The following LRRC7 variants were observed in gnomAD, a reference collection of about 807,000 sequenced individuals.
The protein encoded by LRRC7 is leucine-rich repeat-containing protein 7.
A neutral mutation model predicts 175.7 loss-of-function variants in LRRC7; 23 were observed. The observed-to-expected ratio is 0.13, with a 90% CI of 0.09 to 0.19. The LOEUF is 0.19. Ranked by LOEUF, LRRC7 falls within the 10% of genes least tolerant of loss-of-function variation. The probability of loss-of-function intolerance (pLI) is 1.00; values close to 1 mark genes in which losing one functional copy is unlikely to be tolerated. For synonymous variants in LRRC7, 685 were observed against 680.9 expected (o/e 1.01, Z -0.09); for missense variants, 1,354 against 1,904.7 (o/e 0.71, Z 5.38).
chr1:69,934,204 G>A (rs1647708862), intron 8 of LRRC7, among the ~76,000 whole-genome samples: 1 of 152,096 alleles, frequency 6.6e-6, no homozygotes, highest in African/African-American at 2.4e-5. Context: ...TGACACCGTA[G>A]GAGATTATCA....
At chr1:70,001,723 A>G (rs1655538894) in intron 11 of LRRC7, among the ~76,000 whole-genome samples, 1 of 152,164 alleles carries the variant, frequency 6.6e-6, no homozygotes, top group Admixed American at 6.6e-5. Context: ...ATGACTTGTA[A>G]AATTAGTTAT....
intron 7 of LRRC7, among the ~76,000 whole-genome samples, chr1:69,905,942 T>C (rs369063670): frequency 1.2e-3 from 190 of 152,350 alleles, no homozygotes; most frequent in African/African-American, 4.4e-3. Flanking sequence ...TTTTTAATGA[T>C]CACCATCCTA....
chr1:69,897,511 C>T (rs1179844625), intron 7 of LRRC7, among the ~76,000 whole-genome samples: 2 of 152,090 alleles, frequency 1.3e-5, no homozygotes, highest in East Asian at 1.9e-4. Flanking sequence ...TCCATGAGGG[C>T]AGAGACTTTA....
At chr1:69,989,477 C>T (rs972062847) in intron 10 of LRRC7, among the ~76,000 whole-genome samples, 1 of 151,806 alleles carries the variant, frequency 6.6e-6, no homozygotes, top group East Asian at 1.9e-4. Context: ...TAAAATACAA[C>T]AGCTATAATG....
At chr1:70,035,096 T>C (rs1659166551) in intron 18 of LRRC7, among the ~76,000 whole-genome samples, 1 of 152,208 alleles carries the variant, frequency 6.6e-6, no homozygotes. Context: ...TATTTCTAAA[T>C]ATTTTACATT....
chr1:69,720,430 A>G (rs977430351), intron 2 of LRRC7, among the ~76,000 whole-genome samples: 4 of 151,574 alleles, frequency 2.6e-5, no homozygotes, highest in African/African-American at 2.4e-5. Context: ...GACATTTTTC[A>G]CAGTTTAAGG....
Position 69,614,027 on chromosome 1 carries a change from G to A in LRRC7, c.2+45386G>A, listed in dbSNP as rs576999128. 5.3e-5 allele frequency among the ~76,000 whole-genome samples: 8 copies of A among 149,816 alleles called. No individual in the cohort carries two copies. In the South Asian group the frequency reaches 1.0e-3, roughly 19 times the overall value. On this transcript the variant is annotated intron_variant, in intron 1 of 26. Transcript: ENST00000651989. Reference sequence around the variant, plus strand: ...AATTGTGATAATTATCATTCATAAAGTTTCAGACATTTGAAAATTATCATT... The same window carrying A: ...AATTGTGATAATTATCATTCATAAAATTTCAGACATTTGAAAATTATCATT...
chr1:69,934,993 T>G (rs754356048), intron 8 of LRRC7, among the ~76,000 whole-genome samples: 7 of 152,168 alleles, frequency 4.6e-5, no homozygotes, highest in Admixed American at 6.5e-5. Flanking sequence ...CAAAACGTGC[T>G]TTTTTGTAAG....
At chr1:69,853,632 A>G (rs2101477850) in intron 7 of LRRC7, among the ~76,000 whole-genome samples, 2 of 152,236 alleles carry the variant, frequency 1.3e-5, no homozygotes, top group East Asian at 3.9e-4. Flanking sequence ...GTTGCATTTG[A>G]AATGTTTTAG....
chr1:69,906,159 C>T (rs141567128), intron 7 of LRRC7, among the ~76,000 whole-genome samples: 3,391 of 152,164 alleles, frequency 0.022, 112 homozygotes, highest in African/African-American at 0.078. Context: ...TGGATATTAG[C>T]GCTTTGTCAG....
At position 69,816,762 on chromosome 1, in the gene LRRC7, A is replaced by G. The variant is rs1299959647; in HGVS notation, c.422-8986A>G. ...TAGATCTCCAGAACTTGTTCATCTT[A>G]TAACTGAAAGCTCATACCCTTTGGC... On this transcript the variant is annotated intron_variant, in intron 4 of 26. Transcript: ENST00000651989. Among the ~76,000 whole-genome samples, 3 of 152,272 alleles carry G rather than the reference A, an allele frequency of 2.0e-5. No homozygotes were observed. In the East Asian group the frequency reaches 5.8e-4, roughly 29 times the overall value.
chr1:69,582,617 C>T (rs1191072710), intron 1 of LRRC7, among the ~76,000 whole-genome samples: 3 of 152,206 alleles, frequency 2.0e-5, no homozygotes, highest in African/African-American at 7.2e-5. Context: ...GTATAAGTGG[C>T]TCAGTGATGC....
At chr1:70,013,215 T>G (rs1341889778) in intron 13 of LRRC7, 126 bp downstream of exon 13, 2 of 433,564 alleles carry the variant, frequency 4.6e-6, no homozygotes, top group Non-Finnish European at 8.4e-6. Context: ...TACTGATACT[T>G]TCCTTAAAAT....
intron 23 of LRRC7, among the ~76,000 whole-genome samples, chr1:70,055,410 C>T (rs575669131): frequency 1.1e-4 from 17 of 152,004 alleles, no homozygotes; most frequent in Admixed American, 2.0e-4. Context: ...AAAGACTGGA[C>T]GCAATGGAAC....
At chr1:69,577,387 G>A (rs1303678483) in intron 1 of LRRC7, among the ~76,000 whole-genome samples, 2 of 152,138 alleles carry the variant, frequency 1.3e-5, no homozygotes, top group African/African-American at 4.8e-5. Context: ...AGTTTAATTA[G>A]ATCCCATTTG....
At chr1:70,092,777 A>C (rs909856055) in intron 25 of LRRC7, among the ~76,000 whole-genome samples, 1 of 152,112 alleles carries the variant, frequency 6.6e-6, no homozygotes, top group African/African-American at 2.4e-5. Context: ...AAAAACACTT[A>C]GGGCAGCCCA....
At chr1:70,118,790 A>G (rs990325714) in intron 26 of LRRC7, among the ~76,000 whole-genome samples, 2 of 152,090 alleles carry the variant, frequency 1.3e-5, no homozygotes, top group Admixed American at 6.6e-5. Flanking sequence ...TTCATGAACA[A>G]TGGGGGGTGG....
intron 8 of LRRC7, among the ~76,000 whole-genome samples, chr1:69,947,267 A>G (rs973041519): frequency 6.6e-6 from 1 of 152,010 alleles, no homozygotes; most frequent in Non-Finnish European, 1.5e-5. Flanking sequence ...GTAATTACTG[A>G]TGGAGAAGGA....
intron 8 of LRRC7, among the ~76,000 whole-genome samples, chr1:69,951,939 ATAAAT>A (rs1429718911): frequency 2.0e-5 from 3 of 152,226 alleles, no homozygotes; most frequent in East Asian, 3.9e-4. Flanking sequence ...AGTTTAAAAC[ATAAAT>A]TAATAATAAT....
Sources: gnomAD v4.1 joint callset for allele counts (sites outside exome capture counted in the v4.1 genomes callset) on GRCh38, gnomAD v4.1.1 for gene constraint, MANE v1.5 for transcripts, NCBI Gene and HGNC (gene_info 2026-07-23, HGNC 2026-07-21) for gene names.